ACSF3: variants seen among roughly 807,000 people sequenced by gnomAD.
ACSF3 encodes the protein malonate--CoA ligase ACSF3, mitochondrial.
A neutral mutation model predicts 53.2 loss-of-function variants in ACSF3; 78 were observed. That is an observed-to-expected ratio of 1.47 (90% CI 1.22 to 1.77). ACSF3 has a LOEUF of 1.77. Ranked by LOEUF, ACSF3 falls within the 40% of genes most tolerant of loss-of-function variation. The pLI is 0.00. For synonymous variants in ACSF3, 414 were observed against 333.1 expected (o/e 1.24, Z -2.65); for missense variants, 937 against 771.1 (o/e 1.22, Z -2.55).
intron 4 of ACSF3, among the ~76,000 whole-genome samples, chr16:89,103,892 G>T (rs1251185081): frequency 6.6e-6 from 1 of 152,246 alleles, no homozygotes; most frequent in Non-Finnish European, 1.5e-5. Context: ...GCTGCGCGCA[G>T]CCTTGCCTGT....
At chr16:89,112,308 T>C (rs1248692964) in intron 5 of ACSF3, 62 bp downstream of exon 5, 3 of 1,593,068 alleles carry the variant, frequency 1.9e-6, no homozygotes, top group East Asian at 2.2e-5. Flanking sequence ...ATACGACTTA[T>C]TTCTAATAAA....
rs768799062 is a variant in ACSF3 at position 89,102,666 on chromosome 16, G to C, written c.729G>C (p.Pro243=). Residue 243 remains proline (P), a synonymous_variant, in exon 4 of 11, where the codon CCG becomes CCC. Transcript: ENST00000614302. ...ACGACGTGATCCTCCACGTGCTCCCGCTGCACCACGTCCATGGTGTGGTCA... is the reference window on the plus strand; with the variant it reads ...ACGACGTGATCCTCCACGTGCTCCCCCTGCACCACGTCCATGGTGTGGTCA... The part of the protein sequence containing the change: ...TKDDVILHVL[P]LHHVHGVVNA... 1 of 1,613,806 alleles carries C rather than the reference G, an allele frequency of 6.2e-7. No homozygotes were observed. Among genetic ancestry groups the C allele is most frequent in the South Asian group, 1.1e-5 (1 of 91,082 alleles).
chr16:89,117,626 C>T (rs539007867), intron 6 of ACSF3, among the ~76,000 whole-genome samples: 12 of 151,950 alleles, frequency 7.9e-5, no homozygotes, highest in African/African-American at 2.4e-4. Context: ...GCCCAGGGAC[C>T]GCCGTCCACA....
chr16:89,133,442 C>G (rs1396035163), intron 8 of ACSF3, among the ~76,000 whole-genome samples, 180 bp downstream of exon 8: 4 of 152,178 alleles, frequency 2.6e-5, no homozygotes, highest in Non-Finnish European at 5.9e-5. Context: ...CACCCGGCCT[C>G]CCCACCGGCT....
At chr16:89,097,686 T>C (rs1236404650) in intron 1 of ACSF3, among the ~76,000 whole-genome samples, 1 of 152,212 alleles carries the variant, frequency 6.6e-6, no homozygotes, top group East Asian at 1.9e-4. Flanking sequence ...GCCCAGTTGT[T>C]TTCTTGCCAT....
chr16:89,124,242 T>C (rs1212487881), intron 7 of ACSF3, among the ~76,000 whole-genome samples: 1 of 152,110 alleles, frequency 6.6e-6, no homozygotes, highest in Admixed American at 6.5e-5. Context: ...GAAGTCAATA[T>C]GGCTGAGCTC....
intron 8 of ACSF3, among the ~76,000 whole-genome samples, chr16:89,139,974 G>A (rs933071696): frequency 2.0e-5 from 3 of 152,118 alleles, no homozygotes; most frequent in South Asian, 2.1e-4. Flanking sequence ...AGCTGAGGAC[G>A]GAGCCAAGGT....
intron 1 of ACSF3, among the ~76,000 whole-genome samples, chr16:89,097,240 T>G (rs1974733833): frequency 1.3e-5 from 2 of 152,234 alleles, no homozygotes. Context: ...CTCGGTTCTT[T>G]GTGGTCTGCA....
intron 10 of ACSF3, chr16:89,151,031 G>T: frequency 7.8e-7 from 1 of 1,289,100 alleles, no homozygotes; most frequent in Non-Finnish European, 1.0e-6. Context: ...TTTTCAGGTT[G>T]AAAGAACACC....
chr16:89,123,804 GT>G (rs1413029913), intron 7 of ACSF3, among the ~76,000 whole-genome samples: 1 of 152,188 alleles, frequency 6.6e-6, no homozygotes, highest in Non-Finnish European at 1.5e-5. Flanking sequence ...CCCTCCCCAG[GT>G]GGCAGCTGGC....
In ACSF3 at chr16:89,095,600, G is replaced by T. The variant is rs372293596; in HGVS notation, c.-194+1604G>T. Among the ~76,000 whole-genome samples, 8 of 148,850 alleles carry T rather than the reference G, an allele frequency of 5.4e-5. No homozygotes were observed. In the South Asian group the frequency reaches 8.6e-4, roughly 16 times the overall value. ...GGCATCCACTTCAAACACAAGGTCT[G>T]GGGGGGCGGGGGTGTCAGGTGTGGT... On this transcript the variant is annotated intron_variant, in intron 1 of 10. Transcript: ENST00000614302.
Position 89,105,166 on chromosome 16 carries a change from C to A in ACSF3, c.822+2407C>A, listed in dbSNP as rs1047725561. ...ATTCCACATTCTTGTTGGCTTCAGT[C>A]CTTATTTTTCACAGACATCTCAGCC... On this transcript the variant is annotated intron_variant, in intron 4 of 10. Coordinates refer to ENST00000614302, the MANE Select transcript of ACSF3 (RefSeq NM_001243279.3). Among the ~76,000 whole-genome samples the A allele has an allele frequency of 8.0e-4, 122 of 152,318 alleles. 1 individual carries two copies. The highest frequency in any genetic ancestry group is 3.9e-4 in the East Asian group (2 of 5,182).
chr16:89,124,398 T>C (rs897201399), intron 7 of ACSF3, among the ~76,000 whole-genome samples: 1 of 72,966 alleles, frequency 1.4e-5, no homozygotes, highest in African/African-American at 4.1e-5. Context: ...GTGTGTGCAC[T>C]GCTCATGTGT....
At position 89,093,947 on chromosome 16, in the gene ACSF3, A is replaced by C. The variant is rs775751925; in HGVS notation, c.-243A>C. 1 of 325,556 alleles carries C rather than the reference A, an allele frequency of 3.1e-6. No individual in the cohort carries two copies. The highest frequency in any genetic ancestry group is 2.1e-5 in the South Asian group (1 of 47,114). 20.2% of individuals were successfully genotyped at this position (325,556 alleles called of 1,614,324 possible). A position where few individuals can be genotyped will look rare whatever the true frequency, so the allele number is the denominator to read the frequency against. ...GGCGCGCGCGCGGCGGAGGACGAGG[A>C]AGAGTTGTGGCGAGGCAGATCCTGC... On this transcript the variant is annotated 5_prime_UTR_variant, in exon 1 of 11. Transcript: ENST00000614302.
At chr16:89,110,341 G>A (rs1976538504) in intron 4 of ACSF3, among the ~76,000 whole-genome samples, 1 of 152,144 alleles carries the variant, frequency 6.6e-6, no homozygotes, top group South Asian at 2.1e-4. Flanking sequence ...TGTGAGGTAG[G>A]GTCTAGGAGT....
chr16:89,118,019 G>A, intron 6 of ACSF3, among the ~76,000 whole-genome samples: 1 of 118,884 alleles, frequency 8.4e-6, no homozygotes, highest in African/African-American at 3.3e-5. Context: ...GTTCCCTCAG[G>A]CGCCAGGGAC....
chr16:89,110,655 G>C (rs1389571371), intron 4 of ACSF3, among the ~76,000 whole-genome samples: 1 of 152,192 alleles, frequency 6.6e-6, no homozygotes, highest in Admixed American at 6.5e-5. Context: ...GCCTTTTCGT[G>C]TAAAACGTAG....
At position 89,145,291 on chromosome 16, in the gene ACSF3, G is replaced by C; in HGVS notation, c.1391G>C (p.Gly464Ala). 1.9e-6 allele frequency: 3 copies of C among 1,614,132 alleles called. No individual in the cohort carries two copies. The highest frequency in any genetic ancestry group is 2.5e-6 in the Non-Finnish European group (3 of 1,179,982). Residue 464 changes from glycine (G) to alanine (A), a missense_variant, in exon 9 of 11, where the codon GGC (glycine) becomes GCC (alanine). Transcript: ENST00000614302. ...GGGGACACCGTGGTGTTTAAGGATGGCCAGTACTGGATCCGAGGCCGGACC... is the reference window on the plus strand; with the variant it reads ...GGGGACACCGTGGTGTTTAAGGATGCCCAGTACTGGATCCGAGGCCGGACC... ...KTGDTVVFKD[G>A]QYWIRGRTSV...
At chr16:89,151,798 G>A (rs1198867252) in intron 10 of ACSF3, 3 of 152,198 alleles carry the variant, frequency 2.0e-5, no homozygotes, top group Admixed American at 6.5e-5. Flanking sequence ...TTAGAGACGG[G>A]GTTTCACCGT....
Sources: gnomAD v4.1 joint callset for allele counts (sites outside exome capture counted in the v4.1 genomes callset) on GRCh38, gnomAD v4.1.1 for gene constraint, MANE v1.5 for transcripts, NCBI Gene and HGNC (gene_info 2026-07-23, HGNC 2026-07-21) for gene names.